LARP1: variants seen among roughly 807,000 people sequenced by gnomAD.
LARP1 encodes the protein la-related protein 1.
A neutral mutation model predicts 122.7 loss-of-function variants in LARP1; 36 were observed. That is an observed-to-expected ratio of 0.29 (90% CI 0.22 to 0.39). The LOEUF (loss-of-function observed/expected upper bound fraction) is 0.39, where lower values mean the gene tolerates loss of function less well. Ranked by LOEUF, LARP1 falls within the 10% of genes least tolerant of loss-of-function variation. The pLI is 1.00. For synonymous variants in LARP1, 539 were observed against 528.7 expected, an observed-to-expected ratio of 1.02 and a Z score of -0.27; for missense variants, 1,040 against 1,403.6, an observed-to-expected ratio of 0.74 and a Z score of 4.14.
intron 1 of LARP1, among the ~76,000 whole-genome samples, chr5:154,749,902 C>T (rs1005144778): frequency 6.6e-5 from 10 of 152,192 alleles, no homozygotes; most frequent in African/African-American, 2.4e-4. Flanking sequence ...ACCATTCCTC[C>T]TTCCTTTACC....
intron 10 of LARP1, 23 bp downstream of exon 10, chr5:154,800,065 C>G (rs772011063): frequency 4.3e-6 from 7 of 1,609,402 alleles, no homozygotes; most frequent in Non-Finnish European, 5.9e-6. Flanking sequence ...TTGTCCCTTG[C>G]CTTGGTTCTA....
At chr5:154,807,749 T>C (rs574589588) in intron 15 of LARP1, among the ~76,000 whole-genome samples, 2 of 152,284 alleles carry the variant, frequency 1.3e-5, no homozygotes, top group East Asian at 3.9e-4. Flanking sequence ...GACAGGGGTC[T>C]CACTATGTTG....
chr5:154,685,728 T>C (rs1259244869), intron 1 of LARP1: 1 of 384,804 alleles, frequency 2.6e-6, no homozygotes, highest in Non-Finnish European at 5.0e-6. Context: ...TTCCAACACT[T>C]TGGGAGGCCA....
At chr5:154,733,766 T>C (rs1023328576) in intron 1 of LARP1, among the ~76,000 whole-genome samples, 22 of 152,064 alleles carry the variant, frequency 1.4e-4, no homozygotes, top group Non-Finnish European at 3.1e-4. Context: ...TTTTGCCACG[T>C]TGGCCAGGCT....
intron 1 of LARP1, among the ~76,000 whole-genome samples, chr5:154,691,544 A>G (rs1346114640): frequency 6.6e-6 from 1 of 152,180 alleles, no homozygotes; most frequent in Non-Finnish European, 1.5e-5. Context: ...CCCGACGCCC[A>G]GCTTGGGGTG....
upstream of LARP1, among the ~76,000 whole-genome samples, chr5:154,710,322 T>A (rs780159183): frequency 1.3e-5 from 2 of 152,146 alleles, no homozygotes; most frequent in Non-Finnish European, 2.9e-5. Context: ...AAAAAATTCA[T>A]ACTGAGAGGC....
chr5:154,812,525 C>CTT (rs763157777), intron 18 of LARP1, among the ~76,000 whole-genome samples: 1 of 101,744 alleles, frequency 9.8e-6, no homozygotes, highest in Non-Finnish European at 1.9e-5. Context: ...CCCACCCCCC[C>CTT]TTTTTTTTTT....
At chr5:154,694,382 C>T (rs1027481900) in intron 1 of LARP1, among the ~76,000 whole-genome samples, 5 of 151,932 alleles carry the variant, frequency 3.3e-5, no homozygotes, top group Non-Finnish European at 5.9e-5. Context: ...TCAGCCTCCC[C>T]ACAGCTGGGA....
chr5:154,695,744 A>G (rs367724747), intron 1 of LARP1, among the ~76,000 whole-genome samples: 33 of 151,780 alleles, frequency 2.2e-4, no homozygotes, highest in African/African-American at 7.5e-4. Context: ...GTGGTGACGC[A>G]TACCTGTAAT....
At chr5:154,685,493 G>A (rs1374883176) in intron 1 of LARP1, among the ~76,000 whole-genome samples, 1 of 152,122 alleles carries the variant, frequency 6.6e-6, no homozygotes, top group Non-Finnish European at 1.5e-5. Context: ...TCCTTGGGGT[G>A]CCTTCCCTGA....
chr5:154,706,105 G>A (rs1754933992), intron 1 of LARP1, among the ~76,000 whole-genome samples: 1 of 151,848 alleles, frequency 6.6e-6, no homozygotes, highest in Non-Finnish European at 1.5e-5. Flanking sequence ...AGACCAGCCT[G>A]GCCAACACGG....
chr5:154,715,492 C>G (rs1352663604), intron 1 of LARP1, among the ~76,000 whole-genome samples: 1 of 152,054 alleles, frequency 6.6e-6, no homozygotes, highest in Admixed American at 6.6e-5. Flanking sequence ...ATCTGCCCGC[C>G]TCGGCTTCTC....
intron 1 of LARP1, chr5:154,718,317 G>A (rs1459994284): frequency 1.3e-5 from 2 of 152,208 alleles, no homozygotes; most frequent in African/African-American, 4.8e-5. Context: ...AGATGGAAAT[G>A]TGGGTGGTGC....
At chr5:154,706,562 TGGAGGGTGGGA>T (rs1452786366) in intron 1 of LARP1, among the ~76,000 whole-genome samples, 1 of 151,196 alleles carries the variant, frequency 6.6e-6, no homozygotes, top group Non-Finnish European at 1.5e-5. Flanking sequence ...TACTTGAGAG[TGGAGGGTGGGA>T]GGAGGGTGAG....
intron 1 of LARP1, among the ~76,000 whole-genome samples, chr5:154,765,787 T>C (rs1754897084): frequency 6.6e-6 from 1 of 152,224 alleles, no homozygotes. Context: ...CCTGGCACAA[T>C]GTAATAGGCA....
chr5:154,779,316 G>T (rs1756206504), intron 1 of LARP1, among the ~76,000 whole-genome samples: 2 of 152,124 alleles, frequency 1.3e-5, no homozygotes, highest in Admixed American at 6.5e-5. Flanking sequence ...AGATTGCTCA[G>T]TTTTGACTCA....
chr5:154,750,664 G>A (rs1466149299), upstream of LARP1, among the ~76,000 whole-genome samples: 3 of 152,144 alleles, frequency 2.0e-5, no homozygotes, highest in African/African-American at 7.2e-5. Context: ...CTAGGGTGCA[G>A]TGATGCAATC....
chr5:154,786,260 C>CT (rs1218435553), intron 1 of LARP1, among the ~76,000 whole-genome samples: 19 of 152,098 alleles, frequency 1.2e-4, no homozygotes, highest in African/African-American at 4.1e-4. Context: ...AGGCTGGTCT[C>CT]TAACTCCTGA....
intron 1 of LARP1, chr5:154,705,789 C>T (rs2113268804): frequency 6.6e-6 from 1 of 152,248 alleles, no homozygotes; most frequent in Non-Finnish European, 1.5e-5. Flanking sequence ...AAAGCTTATA[C>T]ACTGTTGGTA....
Sources: allele counts gnomAD v4.1 joint callset (sites outside exome capture counted in the v4.1 genomes callset), GRCh38; gene constraint gnomAD v4.1.1; transcripts MANE v1.5; gene names NCBI Gene and HGNC (gene_info 2026-07-23, HGNC 2026-07-21).